Variants in POU6F2 observed in about 807,000 individuals in gnomAD.
POU6F2 encodes POU domain, class 6, transcription factor 2.
Under a neutral mutation model 71.3 loss-of-function variants are expected in POU6F2, and 31 were observed. The ratio of observed to expected loss-of-function variants is 0.43; its 90% CI spans 0.33 to 0.59. The LOEUF (loss-of-function observed/expected upper bound fraction) is 0.59, where lower values mean the gene tolerates loss of function less well. Ranked by LOEUF, POU6F2 falls within the 20% of genes least tolerant of loss-of-function variation. The probability of loss-of-function intolerance (pLI) is 0.04; values close to 1 mark genes in which losing one functional copy is unlikely to be tolerated. For missense variants in POU6F2, 783 were observed against 856.8 expected (o/e 0.91, Z 1.07); for synonymous variants, 347 against 355.7 (o/e 0.98, Z 0.27).
At chr7:39,320,674 G>A (rs1422367233) in intron 4 of POU6F2, among the ~76,000 whole-genome samples, 2 of 152,150 alleles carry the variant, frequency 1.3e-5, no homozygotes, top group African/African-American at 4.8e-5. Context: ...AGATAGTACT[G>A]AACCCTCTAT....
At chr7:39,064,491 C>G (rs188895957) in intron 1 of POU6F2, among the ~76,000 whole-genome samples, 2 of 151,060 alleles carry the variant, frequency 1.3e-5, no homozygotes, top group Admixed American at 1.3e-4. Context: ...ACAAATGAGA[C>G]GCATAAAGAA....
chr7:39,106,603 C>T (rs1791693014), intron 2 of POU6F2, among the ~76,000 whole-genome samples: 1 of 152,096 alleles, frequency 6.6e-6, no homozygotes. Context: ...AATTAAACTC[C>T]TATTATTGGA....
At chr7:39,051,456 G>A (rs1790398579) in intron 1 of POU6F2, among the ~76,000 whole-genome samples, 1 of 152,056 alleles carries the variant, frequency 6.6e-6, no homozygotes, top group African/African-American at 2.4e-5. Flanking sequence ...AATATTCAGG[G>A]CACTGAGGTA....
intron 5 of POU6F2, among the ~76,000 whole-genome samples, chr7:39,381,051 T>TTTTTTGTTTTTTG (rs1786817398): frequency 6.6e-6 from 1 of 151,558 alleles, no homozygotes; most frequent in East Asian, 1.9e-4. Context: ...CTTCTCAGCC[T>TTTTTTGTTTTTTG]TTTTTGTTTT....
At chr7:39,196,187 C>A (rs1387874654) in intron 2 of POU6F2, among the ~76,000 whole-genome samples, 1 of 152,202 alleles carries the variant, frequency 6.6e-6, no homozygotes, top group African/African-American at 2.4e-5. Context: ...AAGCGAAACA[C>A]TGTTACAAAG....
chr7:38,981,250 T>C (rs564663903), intron 1 of POU6F2, among the ~76,000 whole-genome samples: 2 of 152,354 alleles, frequency 1.3e-5, no homozygotes, highest in South Asian at 4.1e-4. Context: ...CCATCTCTTA[T>C]GGCCATGTTT....
chr7:39,319,389 A>G (rs1266207848), intron 4 of POU6F2, among the ~76,000 whole-genome samples: 1 of 151,760 alleles, frequency 6.6e-6, no homozygotes, highest in African/African-American at 2.4e-5. Flanking sequence ...ACTTGGAGAT[A>G]TTTACAGATA....
chr7:39,213,097 A>G (rs1269948478), intron 4 of POU6F2, among the ~76,000 whole-genome samples: 2 of 152,250 alleles, frequency 1.3e-5, no homozygotes, highest in Non-Finnish European at 2.9e-5. Context: ...AATGTGCTAC[A>G]TAGGAGATTT....
intron 6 of POU6F2, among the ~76,000 whole-genome samples, chr7:39,423,933 T>C (rs1206739935): frequency 6.6e-6 from 1 of 152,238 alleles, no homozygotes; most frequent in Non-Finnish European, 1.5e-5. Context: ...TCTTGGTCTG[T>C]TCTGGCTGCT....
At chr7:39,036,061 C>T (rs1284577007) in intron 1 of POU6F2, among the ~76,000 whole-genome samples, 2 of 152,062 alleles carry the variant, frequency 1.3e-5, no homozygotes, top group African/African-American at 2.4e-5. Context: ...AGAGGAGAGG[C>T]GTGCTGAGAA....
At chr7:39,039,570 T>A (rs1040423288) in intron 1 of POU6F2, among the ~76,000 whole-genome samples, 2 of 151,964 alleles carry the variant, frequency 1.3e-5, no homozygotes, top group African/African-American at 4.8e-5. Flanking sequence ...TGATGCCAAG[T>A]AATTCTAATT....
chr7:39,332,959 ATTTC>A (rs1302372074), intron 4 of POU6F2, among the ~76,000 whole-genome samples: 2 of 152,106 alleles, frequency 1.3e-5, no homozygotes, highest in Admixed American at 6.5e-5. Flanking sequence ...TGTTTTCTCA[ATTTC>A]TTTCTCTTAC....
intron 4 of POU6F2, among the ~76,000 whole-genome samples, chr7:39,310,841 G>A (rs1427613213): frequency 2.6e-5 from 4 of 152,162 alleles, no homozygotes; most frequent in Admixed American, 6.5e-5. Flanking sequence ...CAGGGGCCCC[G>A]CTGGCTGCCT....
At chr7:39,346,114 G>C (rs1036953246) in intron 5 of POU6F2, among the ~76,000 whole-genome samples, 4 of 152,134 alleles carry the variant, frequency 2.6e-5, no homozygotes, top group African/African-American at 9.7e-5. Context: ...AAAACTCTCA[G>C]TTCAACATTA....
intron 5 of POU6F2, among the ~76,000 whole-genome samples, chr7:39,388,777 G>A (rs1583567530): frequency 6.6e-6 from 1 of 152,224 alleles, no homozygotes; most frequent in South Asian, 2.1e-4. Context: ...GTAAATTAAC[G>A]GCTAGTACAT....
At chr7:39,298,287 G>T (rs1784889142) in intron 4 of POU6F2, among the ~76,000 whole-genome samples, 1 of 152,108 alleles carries the variant, frequency 6.6e-6, no homozygotes, top group South Asian at 2.1e-4. Context: ...CTAATATCCA[G>T]AATTTACAAA....
chr7:39,266,866 C>G (rs1282889862), intron 4 of POU6F2, among the ~76,000 whole-genome samples: 1 of 152,102 alleles, frequency 6.6e-6, no homozygotes, highest in African/African-American at 2.4e-5. Flanking sequence ...AAAAGCCTGT[C>G]TTCTAGCTAT....
At chr7:39,295,488 T>A (rs577943449) in intron 4 of POU6F2, among the ~76,000 whole-genome samples, 1 of 152,340 alleles carries the variant, frequency 6.6e-6, no homozygotes, top group East Asian at 1.9e-4. Flanking sequence ...TGATGGCACA[T>A]GCCTATAATC....
rs1161797657 is a variant in POU6F2, at chr7:39,311,261, A to G, written c.599-28381A>G. Reference sequence around the variant, plus strand: ...ACATTGGGTACATGTTATACAGGCAAAAAGCAGCCAGGTTCTAAAAAATTA... The same window carrying G: ...ACATTGGGTACATGTTATACAGGCAGAAAGCAGCCAGGTTCTAAAAAATTA... On this transcript the variant is annotated intron_variant, in intron 4 of 9. Coordinates refer to ENST00000518318, the MANE Select transcript of POU6F2 (RefSeq NM_001370959.1). 3.3e-5 allele frequency among the ~76,000 whole-genome samples: 5 copies of G among 151,690 alleles called. 1 individual carries two copies. The highest frequency in any genetic ancestry group is 1.9e-4 in the East Asian group (1 of 5,180).
Sources: gnomAD v4.1 joint callset for allele counts (sites outside exome capture counted in the v4.1 genomes callset) on GRCh38, gnomAD v4.1.1 for gene constraint, MANE v1.5 for transcripts, NCBI Gene and HGNC (gene_info 2026-07-23, HGNC 2026-07-21) for gene names.